The following PCDHA9 variants were observed in gnomAD, a reference collection of about 807,000 sequenced individuals.
PCDHA9 encodes the protein protocadherin alpha-9.
A neutral mutation model predicts 62.0 loss-of-function variants in PCDHA9; 62 were observed. The ratio of observed to expected loss-of-function variants is 1.00; its 90% CI spans 0.81 to 1.23. The LOEUF (loss-of-function observed/expected upper bound fraction) is 1.23. PCDHA9 is among the 50% of genes most tolerant of loss of function. PCDHA9 has a pLI of 0.00. For synonymous variants in PCDHA9, 557 were observed against 567.6 expected, an observed-to-expected ratio of 0.98 and a Z score of 0.27; for missense variants, 1,205 against 1,249.8, an observed-to-expected ratio of 0.96 and a Z score of 0.54.
At chr5:140,909,045 G>A (rs1407145935) in intron 1 of PCDHA9, among the ~76,000 whole-genome samples, 1 of 152,112 alleles carries the variant, frequency 6.6e-6, no homozygotes, top group African/African-American at 2.4e-5. Flanking sequence ...TCCATACTCT[G>A]GCATGCAAAT....
Position 140,982,566 on chromosome 5 carries a change from A to G in PCDHA9, c.2542+3A>G, listed in dbSNP as rs372784858. On this transcript the variant is annotated splice_donor_region_variant and intron_variant, in intron 3 of 3. Transcript: ENST00000532602. ...AACAGTATCCAGTGCAACACCAGGT[A>G]AAGAGCTGGGGTCTCTCCATTCTTT... 8 of 1,613,970 alleles carry G rather than the reference A, an allele frequency of 5.0e-6. No individual in the cohort carries two copies. The highest frequency in any genetic ancestry group is 6.8e-6 in the Non-Finnish European group (8 of 1,179,958).
intron 1 of PCDHA9, chr5:140,967,785 G>C: frequency 6.2e-7 from 1 of 1,614,176 alleles, no homozygotes; most frequent in Non-Finnish European, 8.5e-7. Flanking sequence ...GCGACTGACC[G>C]GGGTCCAGTG....
intron 2 of PCDHA9, among the ~76,000 whole-genome samples, chr5:140,980,840 A>G (rs1248070793): frequency 1.3e-5 from 2 of 152,200 alleles, no homozygotes; most frequent in African/African-American, 4.8e-5. Context: ...GAACCTAAAT[A>G]ATACTAATCT....
At chr5:140,895,165 T>C (rs28385500) in intron 1 of PCDHA9, among the ~76,000 whole-genome samples, 2,119 of 152,268 alleles carry the variant, frequency 0.014, 42 homozygotes, top group African/African-American at 0.049. Context: ...CACAATCCAA[T>C]CTATTTGTAG....
intron 3 of PCDHA9, among the ~76,000 whole-genome samples, chr5:140,997,129 C>A (rs983112049): frequency 6.6e-6 from 1 of 151,976 alleles, no homozygotes; most frequent in Non-Finnish European, 1.5e-5. Flanking sequence ...ATACACAATG[C>A]CCCCACACCC....
At chr5:140,850,986 T>A in intron 1 of PCDHA9, 97 bp downstream of exon 1, 1 of 1,450,124 alleles carries the variant, frequency 6.9e-7, no homozygotes, top group Non-Finnish European at 9.1e-7. Flanking sequence ...TTTATTCATT[T>A]TTCTAGAAAT....
rs782180138 is a variant in PCDHA9, at chr5:140,856,292, A to G, written c.2394+5403A>G. 5 of 1,598,490 alleles carry G rather than the reference A, an allele frequency of 3.1e-6. 1 individual carries two copies. The stretch of plus-strand genomic sequence containing the variant: ...TCTGGAGGTAAATCTGCAGAATGGC[A>G]TTTTGTTTGTGAATTCTCGGATTGA... On this transcript the variant is annotated intron_variant, in intron 1 of 3. Transcript: ENST00000532602.
intron 1 of PCDHA9, chr5:140,927,071 GCCA>G (rs2083808355): frequency 4.3e-6 from 7 of 1,610,970 alleles, no homozygotes; most frequent in Non-Finnish European, 5.9e-6. Flanking sequence ...TTCCTTTCCA[GCCA>G]CCGCGAGCTC....
chr5:140,957,438 A>T (rs1554222966), intron 1 of PCDHA9, among the ~76,000 whole-genome samples: 1 of 152,216 alleles, frequency 6.6e-6, no homozygotes, highest in Non-Finnish European at 1.5e-5. Context: ...TGCCTAATTT[A>T]TAAATCACAC....
intron 1 of PCDHA9, chr5:140,966,920 C>G: frequency 6.2e-7 from 1 of 1,602,674 alleles, no homozygotes; most frequent in Non-Finnish European, 8.5e-7. Flanking sequence ...GCCAGAGGAG[C>G]AGGCACCCGG....
At chr5:140,932,810 A>G (rs925757508) in intron 1 of PCDHA9, among the ~76,000 whole-genome samples, 1 of 151,958 alleles carries the variant, frequency 6.6e-6, no homozygotes, top group Non-Finnish European at 1.5e-5. Flanking sequence ...CCTTGGAAAC[A>G]TATAAGTGGG....
intron 1 of PCDHA9, chr5:140,870,955 C>A (rs782342308): frequency 1.9e-6 from 3 of 1,613,632 alleles, no homozygotes; most frequent in Non-Finnish European, 2.5e-6. Flanking sequence ...GGGCGGCTCG[C>A]GCATCCCGTT....
chr5:140,860,972 C>G (rs539931081), intron 1 of PCDHA9: 1 of 152,196 alleles, frequency 6.6e-6, no homozygotes, highest in Non-Finnish European at 1.5e-5. Context: ...CTCCTGACCT[C>G]GTGATCCACC....
intron 3 of PCDHA9, among the ~76,000 whole-genome samples, chr5:140,988,661 A>G (rs1411850477): frequency 6.6e-6 from 1 of 152,186 alleles, no homozygotes; most frequent in Non-Finnish European, 1.5e-5. Context: ...TTGTTTATGA[A>G]TAGACTCTAA....
chr5:140,964,305 A>T (rs1163722863), intron 1 of PCDHA9, among the ~76,000 whole-genome samples: 1 of 152,246 alleles, frequency 6.6e-6, no homozygotes, highest in African/African-American at 2.4e-5. Flanking sequence ...AATACCTACA[A>T]GGCCTAAAAC....
intron 1 of PCDHA9, among the ~76,000 whole-genome samples, chr5:140,917,286 C>T (rs155803): frequency 0.32 from 46,630 of 146,510 alleles, 7,654 homozygotes; most frequent in East Asian, 0.52. Context: ...GACGCTTTTC[C>T]GTGTGCAGAT....
At chr5:140,876,539 C>T (rs1030865953) in intron 1 of PCDHA9, 5 of 1,614,170 alleles carry the variant, frequency 3.1e-6, no homozygotes, top group Admixed American at 1.7e-5. Flanking sequence ...ACTTCACTGT[C>T]GCTCCCTGTG....
intron 3 of PCDHA9, among the ~76,000 whole-genome samples, chr5:140,993,460 T>TCA (rs1554253699): frequency 1.6e-3 from 169 of 104,560 alleles, no homozygotes; most frequent in African/African-American, 3.8e-3. Flanking sequence ...CTTCTTTCTT[T>TCA]CTCACACACA....
At chr5:140,877,116 C>T in intron 1 of PCDHA9, 4 of 1,613,672 alleles carry the variant, frequency 2.5e-6, no homozygotes, top group Non-Finnish European at 2.5e-6. Context: ...TGGGCAGCAA[C>T]GTGACGCTGC....
Sources: allele counts gnomAD v4.1 joint callset (sites outside exome capture counted in the v4.1 genomes callset), GRCh38; gene constraint gnomAD v4.1.1; transcripts MANE v1.5; gene names NCBI Gene and HGNC (gene_info 2026-07-23, HGNC 2026-07-21).